The following C1QL1 variants were observed in gnomAD, a reference collection of about 807,000 sequenced individuals.
C1QL1 encodes the protein complement C1q like 1.
A neutral mutation model predicts 14.2 loss-of-function variants in C1QL1; 15 were observed. The observed-to-expected ratio is 1.06, with a 90% CI of 0.71 to 1.62. The LOEUF (loss-of-function observed/expected upper bound fraction) is 1.62. C1QL1 is among the 40% of genes most tolerant of loss of function. The pLI, the probability that C1QL1 is intolerant of heterozygous loss-of-function variation, is 0.00. For synonymous variants in C1QL1, 172 were observed against 172.4 expected (o/e 1.00, Z 0.02); for missense variants, 346 against 380.3 (o/e 0.91, Z 0.75).
intron 1 of C1QL1, among the ~76,000 whole-genome samples, chr17:44,963,080 G>A (rs1462635892): frequency 1.3e-5 from 2 of 152,160 alleles, no homozygotes; most frequent in Non-Finnish European, 2.9e-5. Context: ...AAGGAAGCAG[G>A]AAAGCAGGTT....
chr17:44,964,295 G>A (rs2052644576), intron 1 of C1QL1, among the ~76,000 whole-genome samples: 1 of 152,244 alleles, frequency 6.6e-6, no homozygotes, highest in Admixed American at 6.5e-5. Context: ...AGTCACAAGA[G>A]ATACAAGCTT....
In C1QL1 at chr17:44,967,323, G is replaced by A; in HGVS notation, c.597+129C>T. ...TCCCCACACGTGATGACCAAGCGGGGCCGCTGTGGGGTGGGATCTCCACCT... is the reference window on the plus strand; with the variant it reads ...TCCCCACACGTGATGACCAAGCGGGACCGCTGTGGGGTGGGATCTCCACCT... On this transcript the variant is annotated intron_variant, in intron 1 of 1. Coordinates refer to ENST00000253407, the MANE Select transcript of C1QL1 (RefSeq NM_006688.5). This position sits in a 1 kb window ranked among gnomAD's most constrained non-coding sequence, Gnocchi z 7.0. The A allele has an allele frequency of 1.0e-6, 1 of 970,202 alleles. No individual in the cohort carries two copies. The highest frequency in any genetic ancestry group is 2.6e-5 in the East Asian group (1 of 38,068). 60.1% of individuals were successfully genotyped at this position (970,202 alleles called of 1,614,324 possible).
chr17:44,966,475 C>G (rs1338334744), intron 1 of C1QL1, among the ~76,000 whole-genome samples: 2 of 152,214 alleles, frequency 1.3e-5, no homozygotes, highest in Non-Finnish European at 2.9e-5. Context: ...GGTCACAGGC[C>G]ACCACGAGTG....
At chr17:44,961,909 A>AG (rs2052629368) in intron 1 of C1QL1, among the ~76,000 whole-genome samples, 6 of 143,508 alleles carry the variant, frequency 4.2e-5, no homozygotes, top group African/African-American at 8.3e-5. Context: ...AAAAAAAAAA[A>AG]AAGAGAGAGA....
chr17:44,960,350 A>G lies in C1QL1; in HGVS notation c.615T>C (p.Ile205=). ...CKNGQVRASA[I]AQDADQNYDY... The stretch of plus-strand genomic sequence containing the variant: ...CGTAGTTCTGGTCCGCGTCCTGGGC[A>G]ATAGCACTGGCCCGCACCTGCGGGT... The change falls in exon 2 of 2, where the codon ATT becomes ATC. Residue 205 remains isoleucine, a synonymous_variant. Coordinates refer to ENST00000253407, the MANE Select transcript of C1QL1 (RefSeq NM_006688.5). The G allele has an allele frequency of 6.2e-7, 1 of 1,613,766 alleles. No homozygotes were observed. The highest frequency in any genetic ancestry group is 8.5e-7 in the Non-Finnish European group (1 of 1,179,972).
intron 1 of C1QL1, among the ~76,000 whole-genome samples, chr17:44,961,778 G>T (rs570980942): frequency 3.9e-4 from 59 of 151,210 alleles, no homozygotes; most frequent in African/African-American, 1.4e-3. Flanking sequence ...CCCAGCTACT[G>T]GGGAGGCTGA....
Position 44,968,028 on chromosome 17 carries a change from CA to C in C1QL1, c.20del (p.Val7GlyfsTer7). 1 of 1,360,908 alleles carries C rather than the reference CA, an allele frequency of 7.3e-7. No individual in the cohort carries two copies. Among genetic ancestry groups the C allele is most frequent in the Non-Finnish European group, 9.5e-7 (1 of 1,054,356 alleles). The allele number at this position is 1,360,908 out of a possible 1,614,324, so 84.3% of individuals were successfully genotyped here. ...CCGAGCTCACCAGCACGGGGATGAG[CA>C]CCACCAGCACCAGCAGCATCACCAC... MLLVLV[V>X]LIPVLVSSGG... On this transcript the variant is annotated frameshift_variant, in exon 1 of 2. Coordinates refer to ENST00000253407, the MANE Select transcript of C1QL1 (RefSeq NM_006688.5). LOFTEE classifies it high-confidence loss of function.
At chr17:44,961,842 C>A (rs2052628662) in intron 1 of C1QL1, among the ~76,000 whole-genome samples, 1 of 145,320 alleles carries the variant, frequency 6.9e-6, no homozygotes, top group Non-Finnish European at 1.5e-5. Flanking sequence ...GCCGAGATTG[C>A]GCCACTGCAG....
At chr17:44,964,401 T>C (rs3024282) in intron 1 of C1QL1, among the ~76,000 whole-genome samples, 2,388 of 152,334 alleles carry the variant, frequency 0.016, 66 homozygotes, top group African/African-American at 0.054. Flanking sequence ...TCCCCTACAC[T>C]TGACCTTTTA....
intron 1 of C1QL1, among the ~76,000 whole-genome samples, chr17:44,962,359 C>G (rs1230040201): frequency 6.6e-6 from 1 of 152,170 alleles, no homozygotes; most frequent in Non-Finnish European, 1.5e-5. Context: ...CTTCTCCAGC[C>G]CCTTCTTTTC....
intron 1 of C1QL1, among the ~76,000 whole-genome samples, chr17:44,966,625 C>T (rs1012077911): frequency 2.0e-5 from 3 of 152,136 alleles, no homozygotes; most frequent in African/African-American, 7.2e-5. Flanking sequence ...CCAGAGTCCC[C>T]GACACACTCA....
At chr17:44,960,517 C>G in intron 1 of C1QL1, 150 bp from the exon 2 acceptor site, 1 of 623,976 alleles carries the variant, frequency 1.6e-6, no homozygotes, top group East Asian at 2.7e-5. Context: ...CTCCCCCGCC[C>G]CCTTCCAATC....
Position 44,968,083 on chromosome 17 carries a change from CG to C in C1QL1, c.-36del, listed in dbSNP as rs897805049. 5 of 1,249,400 alleles carry C rather than the reference CG, an allele frequency of 4.0e-6. No homozygotes were observed. In the African/African-American group the frequency reaches 7.8e-5, roughly 20 times the overall value. 77.4% of individuals were successfully genotyped at this position (1,249,400 alleles called of 1,614,324 possible). On this transcript the variant is annotated 5_prime_UTR_variant, in exon 1 of 2. Transcript: ENST00000253407. ...CGCGGCGGCCGCTAGCAGCGTCTTTCGGCCCGCGCGGAGCCTGGGGAGCGCC... is the reference window on the plus strand; with the variant it reads ...CGCGGCGGCCGCTAGCAGCGTCTTTCGCCCGCGCGGAGCCTGGGGAGCGCC...
chr17:44,967,800 A>G lies in C1QL1; in HGVS notation c.249T>C (p.Pro83=), dbSNP rs2143030311. 3.5e-6 allele frequency: 5 copies of G among 1,439,392 alleles called. No individual in the cohort carries two copies. The South Asian group carries it at 5.8e-5, about 17-fold the overall frequency. The allele number at this position is 1,439,392 out of a possible 1,614,324, so 89.2% of individuals were successfully genotyped here. The stretch of plus-strand genomic sequence containing the variant: ...GGCCGGGAGGACCTGGGTCCCCGGG[A>G]GGCCCCGGAGGGCCGGGCTTGCCGG... ...GRTGKPGPPG[P]PGDPGPPGPV... The change falls in exon 1 of 2, where the codon CCT becomes CCC. Residue 83 remains proline (P), a synonymous_variant. Transcript: ENST00000253407. This position sits in a 1 kb window ranked among gnomAD's most constrained non-coding sequence, Gnocchi z 7.0.
At chr17:44,966,689 C>A (rs1310276657) in intron 1 of C1QL1, among the ~76,000 whole-genome samples, 3 of 152,154 alleles carry the variant, frequency 2.0e-5, no homozygotes, top group Non-Finnish European at 1.5e-5. Context: ...GAGGACCCCA[C>A]ACACTCCAGA....
At chr17:44,964,041 A>G (rs2052642776) in intron 1 of C1QL1, among the ~76,000 whole-genome samples, 2 of 152,140 alleles carry the variant, frequency 1.3e-5, no homozygotes, top group Non-Finnish European at 2.9e-5. Context: ...AATGGCCAGG[A>G]CTTGGTGCCA....
rs749324025 is a variant in C1QL1 at position 44,967,761 on chromosome 17, C to A, written c.288G>T (p.Pro96=). The A allele has an allele frequency of 1.3e-6, 2 of 1,567,148 alleles. No homozygotes were observed. Among genetic ancestry groups the A allele is most frequent in the Non-Finnish European group, 1.7e-6 (2 of 1,160,672 alleles). Residue 96 remains proline, a synonymous_variant, in exon 1 of 2, where the codon CCG becomes CCT. Transcript: ENST00000253407. This position sits in a 1 kb window ranked among gnomAD's most constrained non-coding sequence, Gnocchi z 7.0. ...GCTTGCCTGGCTCACCCTTCTCCCC[C>A]GGCGGCCCCACAGGGCCGGGAGGAC... ...DPGPPGPVGP[P]GEKGEPGKPG...
rs1236708055 is a variant in C1QL1 at position 44,965,570 on chromosome 17, C to T, written c.597+1882G>A. On this transcript the variant is annotated intron_variant, in intron 1 of 1. Coordinates refer to ENST00000253407, the MANE Select transcript of C1QL1 (RefSeq NM_006688.5). ...CCTGTGGTCCCATCTCCAGTGAGCA[C>T]CCCTTCATCAGACTCTGTCAACACC... Among the ~76,000 whole-genome samples, 17 of 152,344 alleles carry T rather than the reference C, an allele frequency of 1.1e-4. 1 individual carries two copies. The South Asian group carries it at 3.3e-3, about 30-fold the overall frequency.
At chr17:44,961,262 T>C (rs1013277409) in intron 1 of C1QL1, among the ~76,000 whole-genome samples, 1 of 152,200 alleles carries the variant, frequency 6.6e-6, no homozygotes, top group Admixed American at 6.5e-5. Context: ...GCTTGGAGCC[T>C]GCCGTCACTT....
Sources: allele counts gnomAD v4.1 joint callset (sites outside exome capture counted in the v4.1 genomes callset), GRCh38; gene constraint gnomAD v4.1.1; non-coding constraint Gnocchi (gnomAD v3.1); transcripts MANE v1.5; gene names NCBI Gene and HGNC (gene_info 2026-07-23, HGNC 2026-07-21).